BCAR3: variants seen among roughly 807,000 people sequenced by gnomAD.
The protein encoded by BCAR3 is breast cancer anti-estrogen resistance protein 3.
In BCAR3, 37 loss-of-function variants were observed where a neutral mutation model predicts 80.1. The observed-to-expected ratio is 0.46, with a 90% CI of 0.36 to 0.61. BCAR3 has a LOEUF of 0.61. BCAR3 is among the 20% of genes least tolerant of loss of function. The probability of loss-of-function intolerance (pLI) is 0.00; values close to 1 mark genes in which losing one functional copy is unlikely to be tolerated. For missense variants in BCAR3, 978 were observed against 1,068.2 expected (o/e 0.92, Z 1.18); for synonymous variants, 389 against 418.9 (o/e 0.93, Z 0.87).
intron 2 of BCAR3, among the ~76,000 whole-genome samples, chr1:93,807,619 G>C (rs951509007): frequency 1.8e-4 from 28 of 152,180 alleles, no homozygotes; most frequent in African/African-American, 6.0e-4. Context: ...TTAATAGTCT[G>C]TGTGGGTGTG....
At chr1:93,660,225 T>C (rs1647588413) in intron 2 of BCAR3, among the ~76,000 whole-genome samples, 1 of 152,154 alleles carries the variant, frequency 6.6e-6, no homozygotes, top group Non-Finnish European at 1.5e-5. Context: ...AAGGAGATAA[T>C]TTAGCCACAG....
intron 3 of BCAR3, among the ~76,000 whole-genome samples, chr1:93,690,763 T>G (rs541662093): frequency 1.3e-5 from 2 of 152,368 alleles, no homozygotes; most frequent in Admixed American, 6.5e-5. Flanking sequence ...ATATGTTTAG[T>G]GCCAGGCACT....
chr1:93,663,569 G>A (rs896339855), intron 2 of BCAR3, among the ~76,000 whole-genome samples: 6 of 152,338 alleles, frequency 3.9e-5, no homozygotes, highest in Admixed American at 2.6e-4. Flanking sequence ...GCTATACCGT[G>A]GATGAGAAAT....
intron 2 of BCAR3, among the ~76,000 whole-genome samples, chr1:93,819,136 G>A (rs1054287375): frequency 6.6e-6 from 1 of 150,782 alleles, no homozygotes; most frequent in South Asian, 2.1e-4. Context: ...GTGTAATCTC[G>A]GCTCACTGCA....
At position 93,674,614 on chromosome 1, in the gene BCAR3, C is replaced by G; in HGVS notation, c.317G>C (p.Arg106Thr). ...QDRHGETFTF[R>T]DPHLLDPTVE... ...TCACTAGTGAAATTACAGAAGTTACCTGAAGGTGAAGGTTTCGCCGTGCCG... is the reference window on the plus strand; with the variant it reads ...TCACTAGTGAAATTACAGAAGTTACGTGAAGGTGAAGGTTTCGCCGTGCCG... Residue 106 changes from arginine (R) to threonine (T), a missense_variant and splice_region_variant, in exon 2 of 12, where the codon AGG becomes ACG. Coordinates refer to ENST00000260502, the MANE Select transcript of BCAR3 (RefSeq NM_003567.4). 1 of 1,611,362 alleles carries G rather than the reference C, an allele frequency of 6.2e-7. No individual in the cohort carries two copies. Among genetic ancestry groups the G allele is most frequent in the Non-Finnish European group, 8.5e-7 (1 of 1,179,460 alleles).
At chr1:93,621,694 T>G (rs769050789) in intron 3 of BCAR3, among the ~76,000 whole-genome samples, 4 of 152,278 alleles carry the variant, frequency 2.6e-5, no homozygotes, top group Middle Eastern at 6.8e-3. Flanking sequence ...TGGATGGACC[T>G]TGTTTGCATG....
rs747884735 is a variant in BCAR3, at chr1:93,567,433, C to A, written c.2145G>T (p.Thr715=). Residue 715 remains threonine (T), a synonymous_variant, in exon 11 of 12, where the codon ACG becomes ACT. Transcript: ENST00000260502. Reference sequence around the variant, plus strand: ...AAGTCACAGCCTGGCGCTCCATTAACGTCACAAGCGGCATCAGCAGTGGGA... The same window carrying A: ...AAGTCACAGCCTGGCGCTCCATTAAAGTCACAAGCGGCATCAGCAGTGGGA... ...VSVPLLMPLV[T]LMERQAVTFE... is the part of the protein sequence containing the mutation. 3 of 1,593,962 alleles carry A rather than the reference C, an allele frequency of 1.9e-6. No individual in the cohort carries two copies. The highest frequency in any genetic ancestry group is 2.6e-6 in the Non-Finnish European group (3 of 1,169,138).
intron 2 of BCAR3, 72 bp downstream of exon 2, chr1:93,674,542 G>T: frequency 1.3e-6 from 2 of 1,505,136 alleles, no homozygotes; most frequent in Non-Finnish European, 9.0e-7. Flanking sequence ...GAGCCACCAC[G>T]CCCGGCCATA....
At chr1:93,719,334 GTTTTTTTTTT>G (rs1217381018) in intron 2 of BCAR3, among the ~76,000 whole-genome samples, 8 of 73,206 alleles carry the variant, frequency 1.1e-4, no homozygotes, top group African/African-American at 1.7e-4. Context: ...AAACTTTCTT[GTTTTTTTTTT>G]TTTTTTTTTT....
chr1:93,757,383 C>T (rs1651784288), intron 2 of BCAR3, among the ~76,000 whole-genome samples: 1 of 152,170 alleles, frequency 6.6e-6, no homozygotes, highest in Non-Finnish European at 1.5e-5. Context: ...ACATCTCACT[C>T]CACTGAGACA....
At chr1:93,726,580 G>A (rs990098079) in intron 2 of BCAR3, among the ~76,000 whole-genome samples, 1 of 152,068 alleles carries the variant, frequency 6.6e-6, no homozygotes, top group African/African-American at 2.4e-5. Context: ...GCCTTCTTTA[G>A]TACCTTTGGA....
At chr1:93,629,782 T>C (rs12568405) in intron 3 of BCAR3, among the ~76,000 whole-genome samples, 5,206 of 152,294 alleles carry the variant, frequency 0.034, 131 homozygotes, top group East Asian at 0.12. Context: ...GTCTAAGTCA[T>C]AGAAGTTGCC....
chr1:93,803,263 G>A (rs185331153), intron 2 of BCAR3, among the ~76,000 whole-genome samples: 73 of 152,244 alleles, frequency 4.8e-4, no homozygotes, highest in African/African-American at 1.7e-3. Flanking sequence ...CTGTCTCAGT[G>A]GTTCACATAT....
In BCAR3 at chr1:93,616,198, AT is replaced by A. The variant is rs771742818; in HGVS notation, c.358-23806del. On this transcript the variant is annotated intron_variant, in intron 3 of 11. Coordinates refer to ENST00000260502, the MANE Select transcript of BCAR3 (RefSeq NM_003567.4). ...AGAATATCTCCAAAATACCCAAAGA[AT>A]TTGTTCCACCGGGATTAAATAATGA... 1.1e-4 allele frequency among the ~76,000 whole-genome samples: 16 copies of A among 152,270 alleles called. No homozygotes were observed. The East Asian group carries it at 2.7e-3, about 26-fold the overall frequency.
At chr1:93,774,730 C>G (rs1652485698) in intron 2 of BCAR3, among the ~76,000 whole-genome samples, 1 of 152,146 alleles carries the variant, frequency 6.6e-6, no homozygotes, top group Admixed American at 6.5e-5. Context: ...AATACTTTTT[C>G]AAAGAGCATT....
chr1:93,589,930 A>T (rs1422857876), intron 4 of BCAR3, among the ~76,000 whole-genome samples: 1 of 152,208 alleles, frequency 6.6e-6, no homozygotes, highest in Admixed American at 6.5e-5. Flanking sequence ...TGTGCCTGGC[A>T]GGCCTGATTT....
chr1:93,568,157 G>A, intron 9 of BCAR3: 1 of 210,700 alleles, frequency 4.7e-6, no homozygotes, highest in Non-Finnish European at 9.6e-6. Flanking sequence ...CTGCACTCCA[G>A]CCTGGTTGAC....
chr1:93,756,808 A>G (rs984420726), intron 2 of BCAR3, among the ~76,000 whole-genome samples: 3 of 152,200 alleles, frequency 2.0e-5, no homozygotes, highest in Non-Finnish European at 2.9e-5. Flanking sequence ...TTTGGCATCA[A>G]CAGCACTCAG....
intron 2 of BCAR3, among the ~76,000 whole-genome samples, chr1:93,839,077 T>C (rs1244492872): frequency 2.0e-5 from 3 of 151,890 alleles, no homozygotes; most frequent in Non-Finnish European, 4.4e-5. Context: ...CCGAGGCAGG[T>C]GGATCACCTG....
Sources: allele counts gnomAD v4.1 joint callset (sites outside exome capture counted in the v4.1 genomes callset), GRCh38; gene constraint gnomAD v4.1.1; transcripts MANE v1.5; gene names NCBI Gene and HGNC (gene_info 2026-07-23, HGNC 2026-07-21).